The following GRM5 variants were observed in gnomAD, a reference collection of about 807,000 sequenced individuals.
GRM5 encodes the protein metabotropic glutamate receptor 5.
Under a neutral mutation model 83.1 loss-of-function variants are expected in GRM5, and 19 were observed. The observed-to-expected ratio is 0.23, with a 90% CI of 0.16 to 0.34. The LOEUF is 0.34. Among genes scored for constraint, GRM5 ranks in the 10% least tolerant of loss-of-function variants. GRM5 has a pLI of 1.00. For synonymous variants in GRM5, 675 were observed against 633.6 expected, an observed-to-expected ratio of 1.07 and a Z score of -0.98; for missense variants, 1,160 against 1,588.3, an observed-to-expected ratio of 0.73 and a Z score of 4.58.
At chr11:88,741,082 CAA>C (rs1439391040) in intron 3 of GRM5, among the ~76,000 whole-genome samples, 2 of 151,946 alleles carry the variant, frequency 1.3e-5, no homozygotes, top group African/African-American at 4.8e-5. Context: ...AGAAGGCAGA[CAA>C]AGAGTTGGGA....
chr11:89,061,455 A>G (rs1392285264), intron 1 of GRM5, among the ~76,000 whole-genome samples: 1 of 152,228 alleles, frequency 6.6e-6, no homozygotes, highest in Non-Finnish European at 1.5e-5. Context: ...TTTGGAAAGA[A>G]ATAAGAAAAG....
chr11:88,689,132 A>G (rs539682297), intron 3 of GRM5, among the ~76,000 whole-genome samples: 7 of 152,288 alleles, frequency 4.6e-5, no homozygotes, highest in East Asian at 3.8e-4. Context: ...AGGCTACTCA[A>G]TGTTTCAGTA....
chr11:88,823,865 G>C (rs1423605711), intron 3 of GRM5, among the ~76,000 whole-genome samples: 1 of 152,080 alleles, frequency 6.6e-6, no homozygotes, highest in Non-Finnish European at 1.5e-5. Context: ...CTCTGGATAC[G>C]TTTCAACTCT....
At chr11:89,007,438 T>C (rs1321238303) in intron 2 of GRM5, among the ~76,000 whole-genome samples, 1 of 152,234 alleles carries the variant, frequency 6.6e-6, no homozygotes, top group East Asian at 1.9e-4. Context: ...ATTGGTCACA[T>C]TATTAATAAT....
At chr11:89,054,897 A>C (rs1254940029) in intron 1 of GRM5, among the ~76,000 whole-genome samples, 1 of 152,214 alleles carries the variant, frequency 6.6e-6, no homozygotes, top group Non-Finnish European at 1.5e-5. Flanking sequence ...TAGTACTTTT[A>C]ATTTTATTTT....
intron 3 of GRM5, among the ~76,000 whole-genome samples, chr11:88,702,086 G>T (rs961690): frequency 6.6e-6 from 1 of 151,736 alleles, no homozygotes; most frequent in African/African-American, 2.4e-5. Flanking sequence ...AAGGTTGTCT[G>T]CTGTCCCGTT....
chr11:88,985,518 G>A (rs1232640528), intron 2 of GRM5, among the ~76,000 whole-genome samples: 1 of 151,924 alleles, frequency 6.6e-6, no homozygotes, highest in Admixed American at 6.6e-5. Flanking sequence ...GTATGCTTCG[G>A]ACTATGTTTT....
intron 2 of GRM5, among the ~76,000 whole-genome samples, chr11:88,968,946 A>C (rs183753962): frequency 6.6e-4 from 101 of 152,258 alleles, no homozygotes; most frequent in African/African-American, 2.3e-3. Context: ...CAATAAGATT[A>C]GATTTTTTAA....
chr11:88,586,682 G>A (rs1284497978), intron 7 of GRM5, among the ~76,000 whole-genome samples: 3 of 152,128 alleles, frequency 2.0e-5, no homozygotes, highest in African/African-American at 7.2e-5. Context: ...GAGTCACTGA[G>A]GTGGGCTTGC....
At chr11:88,613,922 C>T (rs190242821) in intron 4 of GRM5, among the ~76,000 whole-genome samples, 1 of 152,058 alleles carries the variant, frequency 6.6e-6, no homozygotes, top group African/African-American at 2.4e-5. Flanking sequence ...ATCCATTTCC[C>T]AGGTCAGTCT....
chr11:88,973,206 A>G (rs2186569), intron 2 of GRM5, among the ~76,000 whole-genome samples: 1 of 152,290 alleles, frequency 6.6e-6, no homozygotes, highest in South Asian at 2.1e-4. Flanking sequence ...TTTTGATGGA[A>G]ACATTGTGGC....
intron 8 of GRM5, among the ~76,000 whole-genome samples, chr11:88,553,322 G>A (rs529004377): frequency 6.6e-6 from 1 of 152,276 alleles, no homozygotes; most frequent in African/African-American, 2.4e-5. Context: ...CCATTCTCCA[G>A]CAATAAGCCG....
chr11:88,984,766 A>C, intron 2 of GRM5: 1 of 734,422 alleles, frequency 1.4e-6, no homozygotes. Flanking sequence ...TTTGAATTAC[A>C]GCACTGCTGG....
chr11:88,519,235 A>T (rs909593999), intron 9 of GRM5, among the ~76,000 whole-genome samples: 1 of 151,812 alleles, frequency 6.6e-6, no homozygotes, highest in African/African-American at 2.4e-5. Context: ...GATAATCCAG[A>T]TAGAAACACA....
rs114610536 is a variant in GRM5 at position 88,626,949 on chromosome 11, C to T, written c.1148-21985G>A. 2.8e-3 allele frequency among the ~76,000 whole-genome samples: 426 copies of T among 152,264 alleles called. 1 individual carries two copies. Among genetic ancestry groups the T allele is most frequent in the African/African-American group, 9.3e-3 (387 of 41,536 alleles). Reference sequence around the variant, plus strand: ...CCAACTATGTTCACATCCTGATCTCCGGCTTCCAGCCTCCAGCGCTGTGAA... The same window carrying T: ...CCAACTATGTTCACATCCTGATCTCTGGCTTCCAGCCTCCAGCGCTGTGAA... On this transcript the variant is annotated intron_variant, in intron 4 of 9. Transcript: ENST00000305447.
At position 88,845,207 on chromosome 11, in the gene GRM5, C is replaced by A. The variant is rs190179638; in HGVS notation, c.911+4699G>T. ...GTCTTATTTTAAGAAATTGCCACAG[C>A]CACTGCCACCTTCAGCAATTGCCAC... On this transcript the variant is annotated intron_variant, in intron 3 of 9. Coordinates refer to ENST00000305447, the MANE Select transcript of GRM5 (RefSeq NM_001143831.3). 6.6e-3 allele frequency among the ~76,000 whole-genome samples: 1,011 copies of A among 152,158 alleles called. 12 individuals are homozygous for A. The highest frequency in any genetic ancestry group is 0.023 in the African/African-American group (974 of 41,510).
chr11:88,591,401 TA>T (rs1937637374), intron 6 of GRM5, among the ~76,000 whole-genome samples: 1 of 152,218 alleles, frequency 6.6e-6, no homozygotes, highest in South Asian at 2.1e-4. Flanking sequence ...CTGACTTTTT[TA>T]AGGTAATGGA....
rs541569008 is a variant in GRM5, at chr11:88,975,392, G to C, written c.661+71820C>G. The stretch of plus-strand genomic sequence containing the variant: ...CTGTAGTGTGAACAAAAATTATCTT[G>C]AAGTCTTGTTAAAACACAGATTTTC... On this transcript the variant is annotated intron_variant, in intron 2 of 9. Transcript: ENST00000305447. 2.0e-5 allele frequency among the ~76,000 whole-genome samples: 3 copies of C among 152,182 alleles called. No individual in the cohort carries two copies. In the South Asian group the frequency reaches 6.2e-4, roughly 32 times the overall value.
intron 3 of GRM5, among the ~76,000 whole-genome samples, chr11:88,831,715 T>A (rs1943997827): frequency 6.6e-6 from 1 of 152,154 alleles, no homozygotes. Context: ...ACACCAACTG[T>A]GGGCCAGCGA....
Sources: allele counts gnomAD v4.1 joint callset (sites outside exome capture counted in the v4.1 genomes callset), GRCh38; gene constraint gnomAD v4.1.1; transcripts MANE v1.5; gene names NCBI Gene and HGNC (gene_info 2026-07-23, HGNC 2026-07-21).